The following ZNF148 variants were observed in gnomAD, a reference collection of about 807,000 sequenced individuals.
The protein encoded by ZNF148 is Beta-Enolase Repressor Factor-1.
Under a neutral mutation model 67.7 loss-of-function variants are expected in ZNF148, and 7 were observed. That is an observed-to-expected ratio of 0.10 (90% CI 0.06 to 0.19). The LOEUF is 0.19. Ranked by LOEUF, ZNF148 falls within the 10% of genes least tolerant of loss-of-function variation. ZNF148 has a pLI of 1.00. For synonymous variants in ZNF148, 333 were observed against 330.7 expected, an observed-to-expected ratio of 1.01 and a Z score of -0.08; for missense variants, 583 against 947.1, an observed-to-expected ratio of 0.62 and a Z score of 5.05.
At chr3:125,281,516 A>G (rs1017045907) in intron 5 of ZNF148, among the ~76,000 whole-genome samples, 23 of 152,218 alleles carry the variant, frequency 1.5e-4, no homozygotes, top group African/African-American at 5.5e-4. Flanking sequence ...TGGCACTTCA[A>G]TAGCTTTCTG....
At chr3:125,363,775 G>A (rs560149527) in intron 1 of ZNF148, among the ~76,000 whole-genome samples, 36 of 151,016 alleles carry the variant, frequency 2.4e-4, no homozygotes, top group Non-Finnish European at 4.7e-4. Flanking sequence ...TCAGCCTCCC[G>A]TGCACCTGGA....
intron 1 of ZNF148, among the ~76,000 whole-genome samples, chr3:125,356,247 G>A (rs1942338345): frequency 6.6e-6 from 1 of 152,122 alleles, no homozygotes; most frequent in Admixed American, 6.5e-5. Flanking sequence ...TTTTGGCTCA[G>A]CCCTATTTTC....
intron 2 of ZNF148, among the ~76,000 whole-genome samples, chr3:125,329,116 A>G (rs559650727): frequency 4.9e-4 from 74 of 150,866 alleles, no homozygotes; most frequent in South Asian, 1.2e-3. Context: ...AACATTCTCT[A>G]TTGCCTAAGT....
intron 7 of ZNF148, among the ~76,000 whole-genome samples, chr3:125,247,250 A>C (rs756222181): frequency 7.2e-5 from 11 of 152,310 alleles, no homozygotes; most frequent in Non-Finnish European, 1.3e-4. Context: ...AAGATTGGCA[A>C]TGTTTGCCCA....
intron 1 of ZNF148, among the ~76,000 whole-genome samples, chr3:125,342,665 T>C (rs1231902975): frequency 1.3e-5 from 2 of 148,570 alleles, no homozygotes; most frequent in Non-Finnish European, 3.0e-5. Flanking sequence ...ATAAAGAAAA[T>C]GATTTTTTTA....
At chr3:125,288,502 T>A (rs958547139) in intron 4 of ZNF148, among the ~76,000 whole-genome samples, 17 of 151,454 alleles carry the variant, frequency 1.1e-4, no homozygotes, top group Non-Finnish European at 2.4e-4. Flanking sequence ...AAGATGATCA[T>A]AAGACCAAGC....
At chr3:125,338,016 A>G (rs1421995593) in intron 1 of ZNF148, among the ~76,000 whole-genome samples, 1 of 151,870 alleles carries the variant, frequency 6.6e-6, no homozygotes, top group Non-Finnish European at 1.5e-5. Flanking sequence ...AGGTGGGAGG[A>G]TTACTTGAGC....
At chr3:125,325,945 T>C (rs1940998471) in intron 2 of ZNF148, among the ~76,000 whole-genome samples, 1 of 152,156 alleles carries the variant, frequency 6.6e-6, no homozygotes, top group Non-Finnish European at 1.5e-5. Context: ...ATTCAGCATA[T>C]GCAGAGATTA....
intron 4 of ZNF148, among the ~76,000 whole-genome samples, chr3:125,290,975 C>G (rs1938979259): frequency 6.6e-6 from 1 of 152,130 alleles, no homozygotes; most frequent in South Asian, 2.1e-4. Flanking sequence ...CTCTTCTTAA[C>G]TTCACCTAGT....
intron 4 of ZNF148, among the ~76,000 whole-genome samples, chr3:125,293,153 C>T (rs1295669978): frequency 6.6e-6 from 1 of 152,138 alleles, no homozygotes; most frequent in Non-Finnish European, 1.5e-5. Flanking sequence ...ATATAACCAA[C>T]ATAAGCAAAA....
intron 1 of ZNF148, among the ~76,000 whole-genome samples, chr3:125,370,917 G>C (rs975327947): frequency 4.6e-5 from 7 of 151,822 alleles, no homozygotes; most frequent in African/African-American, 1.7e-4. Flanking sequence ...CTTTTCTTCA[G>C]CCTCCTCAAA....
chr3:125,374,621 T>C (rs990978200), intron 1 of ZNF148, among the ~76,000 whole-genome samples: 11 of 151,930 alleles, frequency 7.2e-5, no homozygotes, highest in Admixed American at 6.6e-4. Flanking sequence ...CCTGCAAGCA[T>C]TCCCTTTTCT....
At chr3:125,322,973 A>G (rs1940850789) in intron 3 of ZNF148, among the ~76,000 whole-genome samples, 1 of 152,198 alleles carries the variant, frequency 6.6e-6, no homozygotes, top group South Asian at 2.1e-4. Context: ...TTCTCTGAAA[A>G]TTCTGGGAAA....
intron 1 of ZNF148, chr3:125,344,403 C>T (rs1941859020): frequency 1.4e-6 from 1 of 698,944 alleles, no homozygotes; most frequent in Non-Finnish European, 2.6e-6. Context: ...TGTCCCTTGG[C>T]CTCCTCAGGG....
At chr3:125,248,797 G>A (rs1373436802) in intron 7 of ZNF148, among the ~76,000 whole-genome samples, 2 of 152,136 alleles carry the variant, frequency 1.3e-5, no homozygotes, top group South Asian at 2.1e-4. Context: ...CAGAATTAGT[G>A]ACAAATTCAG....
At chr3:125,261,227 C>T (rs570710325) in intron 7 of ZNF148, among the ~76,000 whole-genome samples, 8 of 152,146 alleles carry the variant, frequency 5.3e-5, no homozygotes, top group East Asian at 3.9e-4. Context: ...ATTTTAATTA[C>T]GACAATAGAC....
At chr3:125,306,422 T>C (rs1939878860) in intron 4 of ZNF148, among the ~76,000 whole-genome samples, 1 of 152,038 alleles carries the variant, frequency 6.6e-6, no homozygotes, top group South Asian at 2.1e-4. Flanking sequence ...GAAAAATTAT[T>C]ATACCAATAT....
intron 4 of ZNF148, among the ~76,000 whole-genome samples, chr3:125,301,694 A>T (rs1379349599): frequency 6.6e-6 from 1 of 152,224 alleles, no homozygotes; most frequent in Non-Finnish European, 1.5e-5. Flanking sequence ...ACACTTGAGT[A>T]AAGGACTGTT....
chr3:125,256,619 T>G (rs569932546), intron 7 of ZNF148, among the ~76,000 whole-genome samples: 2 of 152,300 alleles, frequency 1.3e-5, no homozygotes, highest in Admixed American at 1.3e-4. Context: ...GTGGCTGCAG[T>G]GAGCCGAGAT....
Sources: allele counts gnomAD v4.1 joint callset (sites outside exome capture counted in the v4.1 genomes callset), GRCh38; gene constraint gnomAD v4.1.1; transcripts MANE v1.5; gene names NCBI Gene and HGNC (gene_info 2026-07-23, HGNC 2026-07-21).